Variants in PPM1L observed in about 807,000 individuals in gnomAD.
The protein encoded by PPM1L is protein phosphatase, Mg2+/Mn2+ dependent 1L.
A neutral mutation model predicts 31.4 loss-of-function variants in PPM1L; 13 were observed. The ratio of observed to expected loss-of-function variants is 0.41; its 90% CI spans 0.27 to 0.66. The LOEUF (loss-of-function observed/expected upper bound fraction) is 0.66, where lower values mean the gene tolerates loss of function less well. Ranked by LOEUF, PPM1L falls within the 30% of genes least tolerant of loss-of-function variation. The pLI is 0.29. For synonymous variants in PPM1L, 184 were observed against 175.4 expected (o/e 1.05, Z -0.39); for missense variants, 326 against 453.7 (o/e 0.72, Z 2.56).
chr3:160,848,889 T>A (rs1714166531), intron 1 of PPM1L, among the ~76,000 whole-genome samples: 1 of 152,240 alleles, frequency 6.6e-6, no homozygotes, highest in South Asian at 2.1e-4. Context: ...TCCTCTAGGA[T>A]CCTTCTTCTT....
At chr3:160,799,974 C>T (rs76895766) in intron 1 of PPM1L, among the ~76,000 whole-genome samples, 1,852 of 152,086 alleles carry the variant, frequency 0.012, 33 homozygotes, top group African/African-American at 0.043. Context: ...ATTGCTGTAC[C>T]CTCAGTGCCT....
chr3:160,774,184 C>T (rs767928435), intron 1 of PPM1L, among the ~76,000 whole-genome samples: 3 of 152,114 alleles, frequency 2.0e-5, no homozygotes, highest in Admixed American at 6.5e-5. Flanking sequence ...TTCTCATGGT[C>T]GTGCCTTTAT....
chr3:160,849,393 C>CTCTTTCTTTCTT (rs540054052), intron 1 of PPM1L, among the ~76,000 whole-genome samples: 6 of 151,234 alleles, frequency 4.0e-5, no homozygotes, highest in South Asian at 2.1e-4. Flanking sequence ...GACCTGCATT[C>CTCTTTCTTTCTT]TCTTTCTTTC....
intron 1 of PPM1L, among the ~76,000 whole-genome samples, chr3:160,878,688 T>A (rs186372141): frequency 6.6e-6 from 1 of 152,214 alleles, no homozygotes; most frequent in African/African-American, 2.4e-5. Flanking sequence ...CCTTTCAGAT[T>A]GGCTTGAAGA....
rs536328954 is a variant in PPM1L, at chr3:160,957,534, T to C, written c.400-4202T>C. ...CACTCCCACCAGCAGTGTAAAAGTC[T>C]TCCTTTTCCTCCACAACCTTGCTAG... On this transcript the variant is annotated intron_variant, in intron 1 of 3. Coordinates refer to ENST00000498165, the MANE Select transcript of PPM1L (RefSeq NM_139245.4). 1.3e-4 allele frequency among the ~76,000 whole-genome samples: 20 copies of C among 152,074 alleles called. No homozygotes were observed. The South Asian group carries it at 3.3e-3, about 25-fold the overall frequency.
At chr3:160,824,140 C>T (rs1039928199) in intron 1 of PPM1L, among the ~76,000 whole-genome samples, 1 of 152,002 alleles carries the variant, frequency 6.6e-6, no homozygotes, top group Admixed American at 6.6e-5. Flanking sequence ...AAATTAGATG[C>T]GGAGTGTGGA....
At chr3:160,866,501 A>G (rs1354013760) in intron 1 of PPM1L, among the ~76,000 whole-genome samples, 1 of 152,198 alleles carries the variant, frequency 6.6e-6, no homozygotes, top group Non-Finnish European at 1.5e-5. Flanking sequence ...CTTAATTCTT[A>G]CTATTTTAGA....
At chr3:161,017,808 G>A (rs1718127630) in intron 2 of PPM1L, among the ~76,000 whole-genome samples, 1 of 152,084 alleles carries the variant, frequency 6.6e-6, no homozygotes, top group African/African-American at 2.4e-5. Flanking sequence ...TATTGCCGAG[G>A]TTGAGTAGGG....
chr3:160,920,717 G>A (rs1374793), intron 1 of PPM1L, among the ~76,000 whole-genome samples: 62,914 of 151,332 alleles, frequency 0.42, 14,569 homozygotes, highest in Middle Eastern at 0.55. Flanking sequence ...TTAGCAGTAG[G>A]AGGGTGGTGA....
intron 2 of PPM1L, among the ~76,000 whole-genome samples, chr3:160,965,603 A>G (rs1716116091): frequency 6.6e-6 from 1 of 152,034 alleles, no homozygotes; most frequent in South Asian, 2.1e-4. Context: ...TATTAAATGA[A>G]TTTTCACCTT....
chr3:161,027,955 G>T (rs1718458209), intron 2 of PPM1L, among the ~76,000 whole-genome samples: 1 of 152,172 alleles, frequency 6.6e-6, no homozygotes, highest in South Asian at 2.1e-4. Context: ...GTAAATCAAA[G>T]GTTATCCTCA....
At chr3:160,982,621 A>C (rs966810384) in intron 2 of PPM1L, among the ~76,000 whole-genome samples, 3 of 152,212 alleles carry the variant, frequency 2.0e-5, no homozygotes, top group African/African-American at 7.2e-5. Context: ...CCTCAGTACA[A>C]GTTTCCTATC....
intron 1 of PPM1L, among the ~76,000 whole-genome samples, chr3:160,803,679 C>T (rs528407456): frequency 6.6e-6 from 1 of 152,306 alleles, no homozygotes; most frequent in Admixed American, 6.5e-5. Flanking sequence ...TTATTTTTTG[C>T]TAATAAACAA....
intron 2 of PPM1L, among the ~76,000 whole-genome samples, chr3:161,063,308 T>C (rs1161357158): frequency 2.0e-5 from 3 of 152,200 alleles, no homozygotes; most frequent in South Asian, 4.1e-4. Context: ...AAAAATTGTT[T>C]TGATAATCCA....
chr3:160,862,604 A>G (rs189011042), intron 1 of PPM1L, among the ~76,000 whole-genome samples: 4 of 150,852 alleles, frequency 2.7e-5, no homozygotes. Context: ...GTGAGAGGGC[A>G]GTCTTACATA....
At chr3:161,059,566 GC>G (rs1283851903) in intron 2 of PPM1L, among the ~76,000 whole-genome samples, 2 of 152,060 alleles carry the variant, frequency 1.3e-5, no homozygotes, top group Non-Finnish European at 2.9e-5. Context: ...CTATTAATTT[GC>G]TTATTTAGCC....
chr3:160,808,320 T>TGTGTGTGTGC (rs1166270943), intron 1 of PPM1L, among the ~76,000 whole-genome samples: 12 of 142,352 alleles, frequency 8.4e-5, no homozygotes, highest in African/African-American at 3.4e-4. Context: ...TGTGTGTGTG[T>TGTGTGTGTGC]GCGTGCATGT....
intron 1 of PPM1L, among the ~76,000 whole-genome samples, chr3:160,943,021 G>A (rs1320505284): frequency 1.3e-5 from 2 of 151,912 alleles, no homozygotes; most frequent in African/African-American, 4.8e-5. Flanking sequence ...GAACTGAGGA[G>A]TAAAAAACAA....
intron 1 of PPM1L, among the ~76,000 whole-genome samples, chr3:160,819,838 A>G (rs1304424855): frequency 1.3e-5 from 2 of 152,014 alleles, no homozygotes; most frequent in African/African-American, 2.4e-5. Context: ...AAAAAAATAG[A>G]TCTTAGGTAT....
Sources: gnomAD v4.1 joint callset for allele counts (sites outside exome capture counted in the v4.1 genomes callset) on GRCh38, gnomAD v4.1.1 for gene constraint, MANE v1.5 for transcripts, NCBI Gene and HGNC (gene_info 2026-07-23, HGNC 2026-07-21) for gene names.